The following PPIE variants were observed in gnomAD, a reference collection of about 807,000 sequenced individuals.
PPIE encodes the protein peptidyl-prolyl cis-trans isomerase E.
Under a neutral mutation model 38.4 loss-of-function variants are expected in PPIE, and 20 were observed. The observed-to-expected ratio is 0.52, with a 90% confidence interval of 0.37 to 0.76. The LOEUF is 0.76. PPIE is among the 30% of genes least tolerant of loss of function. The pLI, the probability that PPIE is intolerant of heterozygous loss-of-function variation, is 0.00. For synonymous variants in PPIE, 142 were observed against 135.7 expected, an observed-to-expected ratio of 1.05 and a Z score of -0.32; for missense variants, 322 against 385.8, an observed-to-expected ratio of 0.83 and a Z score of 1.39.
At chr1:39,739,613 C>T (rs1647007943) in intron 1 of PPIE, among the ~76,000 whole-genome samples, 1 of 152,054 alleles carries the variant, frequency 6.6e-6, no homozygotes, top group Non-Finnish European at 1.5e-5. Context: ...ATTCTGGATG[C>T]GGCGATGCCA....
At chr1:39,739,054 C>G in intron 1 of PPIE, 123 bp downstream of exon 1, 1 of 1,118,816 alleles carries the variant, frequency 8.9e-7, no homozygotes, top group Non-Finnish European at 1.2e-6. Context: ...GGGTCTCTGG[C>G]GGTAGTGCTG....
At chr1:39,751,029 A>G (rs1569695536) in intron 8 of PPIE, among the ~76,000 whole-genome samples, 2 of 152,388 alleles carry the variant, frequency 1.3e-5, no homozygotes, top group Admixed American at 1.3e-4. Context: ...CTGTGTCAGA[A>G]CACAAAGTGA....
At chr1:39,752,202 C>T (rs1394546617) in intron 8 of PPIE, among the ~76,000 whole-genome samples, 3 of 152,260 alleles carry the variant, frequency 2.0e-5, no homozygotes, top group Middle Eastern at 3.4e-3. Context: ...GGGCTTTCAG[C>T]GGTATCTCTG....
intron 2 of PPIE, among the ~76,000 whole-genome samples, chr1:39,740,826 T>C (rs1647038664): frequency 6.6e-6 from 1 of 152,228 alleles, no homozygotes. Context: ...CTTTAAACTC[T>C]CTGGGCCTGG....
Position 39,738,904 on chromosome 1 carries a change from G to A in PPIE, c.4G>A (p.Ala2Thr). The A allele has an allele frequency of 2.0e-6, 3 of 1,510,346 alleles. No individual in the cohort carries two copies. Among genetic ancestry groups the A allele is most frequent in the Non-Finnish European group, 2.7e-6 (3 of 1,131,242 alleles). 93.6% of individuals were successfully genotyped at this position (1,510,346 alleles called of 1,614,324 possible). A position where few individuals can be genotyped will look rare whatever the true frequency, so the allele number is the denominator to read the frequency against. MATTKRVLYVGG... is the reference protein window; with the variant it reads MTTTKRVLYVGG... ...GGCGGAAAAGCGCGCGAGCAAGATG[G>A]CCACCACCAAGCGCGTCTTGTACGT... The change falls in exon 1 of 10, where the codon GCC (alanine) becomes ACC (threonine). Residue 2 changes from alanine to threonine, a missense_variant. Ala to Thr is a moderately conservative substitution (Grantham distance 58). Transcript: ENST00000324379.
chr1:39,762,676 C>G, intron 9 of PPIE: 1 of 1,513,260 alleles, frequency 6.6e-7, no homozygotes, highest in East Asian at 2.5e-5. Flanking sequence ...ACGCACACCC[C>G]ACACACTGTG....
chr1:39,749,737 A>G (rs1232438993), intron 8 of PPIE, among the ~76,000 whole-genome samples: 1 of 152,202 alleles, frequency 6.6e-6, no homozygotes. Flanking sequence ...TCTACTTAGG[A>G]ACATGGCTTC....
In PPIE at chr1:39,740,278, C is replaced by G. The variant is rs747781783; in HGVS notation, c.130+15C>G. ...TTATGAAACAGGTGAGTTAGTGTCT[C>G]TCACGTTCAGAATCCTCTTACTAGG... On this transcript the variant is annotated intron_variant, in intron 2 of 9. Coordinates refer to ENST00000324379, the MANE Select transcript of PPIE (RefSeq NM_006112.4). 6 of 1,593,844 alleles carry G rather than the reference C, an allele frequency of 3.8e-6. No homozygotes were observed. Among genetic ancestry groups the G allele is most frequent in the Non-Finnish European group, 5.2e-6 (6 of 1,163,894 alleles).
In PPIE at chr1:39,754,106, A is replaced by G. The variant is rs1230863699; in HGVS notation, c.*751A>G. ...AGGAGACAGGAAGCCAACAAACTAC[A>G]TGTGCCTAATCCAGCCCACTGCCTG... On this transcript the variant is annotated 3_prime_UTR_variant, in exon 10 of 10. Coordinates refer to ENST00000324379, the MANE Select transcript of PPIE (RefSeq NM_006112.4). 8.2e-6 allele frequency: 8 copies of G among 975,082 alleles called. No individual in the cohort carries two copies. In the African/African-American group the frequency reaches 1.2e-4, roughly 15 times the overall value. 60.4% of individuals were successfully genotyped at this position (975,082 alleles called of 1,614,324 possible). A position where few individuals can be genotyped will look rare whatever the true frequency, so the allele number is the denominator to read the frequency against.
At chr1:39,761,832 G>C (rs899316351) in intron 9 of PPIE, among the ~76,000 whole-genome samples, 3 of 152,216 alleles carry the variant, frequency 2.0e-5, no homozygotes, top group African/African-American at 7.2e-5. Context: ...CACCTCCACG[G>C]TTGTTTTGCT....
intron 1 of PPIE, chr1:39,739,157 C>T (rs547763304): frequency 4.0e-5 from 17 of 424,798 alleles, no homozygotes; most frequent in African/African-American, 3.5e-4. Context: ...ACTTCTCCAG[C>T]TTCTTTGCTT....
chr1:39,740,084 G>T (rs1647020198), intron 1 of PPIE, 81 bp from the exon 2 acceptor site: 2 of 1,071,302 alleles, frequency 1.9e-6, no homozygotes, highest in Non-Finnish European at 2.9e-6. Context: ...CTGTCCCCTG[G>T]CTAGCATGCT....
chr1:39,739,032 G>T, intron 1 of PPIE, 101 bp downstream of exon 1: 1 of 1,273,504 alleles, frequency 7.9e-7, no homozygotes. Context: ...ACGGCGAGCT[G>T]CTGTCAAGGC....
chr1:39,759,965 C>T (rs1648712574), downstream of PPIE: 1 of 175,188 alleles, frequency 5.7e-6, no homozygotes, highest in Non-Finnish European at 1.2e-5. Flanking sequence ...AATGGGGAGC[C>T]AACCAGACCC....
chr1:39,745,333 G>T (rs376596139), intron 6 of PPIE, 42 bp from the exon 7 acceptor site: 13 of 1,613,030 alleles, frequency 8.1e-6, no homozygotes, highest in East Asian at 2.2e-5. Flanking sequence ...TACTTAGGGC[G>T]TCAGGGAGCT....
In PPIE at chr1:39,753,014, G is replaced by T. The variant is rs1569708601; in HGVS notation, c.799G>T (p.Glu267Ter). The T allele has an allele frequency of 6.2e-7, 1 of 1,614,264 alleles. No individual in the cohort carries two copies. The highest frequency in any genetic ancestry group is 2.2e-5 in the East Asian group (1 of 44,884). Residue 267 changes from glutamate (E) to a stop codon, truncating the protein, a stop_gained, in exon 9 of 10, where the codon GAG becomes TAG. Transcript: ENST00000324379. LOFTEE classifies it high-confidence loss of function. The part of the protein sequence containing the change: ...WLDGKHVVFG[E>*]VTEGLDVLRQ... The stretch of plus-strand genomic sequence containing the variant: ...GGATGGCAAGCATGTGGTGTTTGGA[G>T]AGGTCACCGAAGGCCTAGATGTCTT...
At position 39,753,000 on chromosome 1, in the gene PPIE, A is replaced by G; in HGVS notation, c.785A>G (p.His262Arg). The change falls in exon 9 of 10, where the codon CAT becomes CGT. Residue 262 changes from histidine (H) to arginine (R), a missense_variant. By Grantham distance (29) the His-to-Arg change is conservative (BLOSUM62 0). Coordinates refer to ENST00000324379, the MANE Select transcript of PPIE (RefSeq NM_006112.4). ...AAGACAGACTGGCTGGATGGCAAGC[A>G]TGTGGTGTTTGGAGAGGTCACCGAA... Reference protein sequence around the residue: ...CDKTDWLDGKHVVFGEVTEGL... With the variant: ...CDKTDWLDGKRVVFGEVTEGL... The G allele has an allele frequency of 6.2e-7, 1 of 1,614,188 alleles. No homozygotes were observed. Among genetic ancestry groups the G allele is most frequent in the Non-Finnish European group, 8.5e-7 (1 of 1,180,026 alleles).
In PPIE at chr1:39,755,122, G is replaced by T; in HGVS notation, c.*1767G>T. 1 of 985,436 alleles carries T rather than the reference G, an allele frequency of 1.0e-6. No homozygotes were observed. The highest frequency in any genetic ancestry group is 1.2e-6 in the Non-Finnish European group (1 of 829,924). The allele number at this position is 985,436 out of a possible 1,614,324, so 61.0% of individuals were successfully genotyped here. ...TCTCTCCACTCCCCCTCCAGATGCTGGTCAGCCAGGCGGTTATAAAGAATC... is the reference window on the plus strand; with the variant it reads ...TCTCTCCACTCCCCCTCCAGATGCTTGTCAGCCAGGCGGTTATAAAGAATC... On this transcript the variant is annotated 3_prime_UTR_variant, in exon 10 of 10. Transcript: ENST00000324379.
intron 8 of PPIE, among the ~76,000 whole-genome samples, chr1:39,751,451 C>G (rs1390949977): frequency 6.6e-6 from 1 of 152,100 alleles, no homozygotes; most frequent in Admixed American, 6.6e-5. Flanking sequence ...CTCAACCTCT[C>G]CAGCTCAAGC....
Sources: gnomAD v4.1 joint callset for allele counts (sites outside exome capture counted in the v4.1 genomes callset) on GRCh38, gnomAD v4.1.1 for gene constraint, MANE v1.5 for transcripts, NCBI Gene and HGNC (gene_info 2026-07-23, HGNC 2026-07-21) for gene names.